The following CRACD variants were observed in gnomAD, a reference collection of about 807,000 sequenced individuals.
CRACD encodes the protein capping protein-inhibiting regulator of actin dynamics.
Under a neutral mutation model 106.8 loss-of-function variants are expected in CRACD, and 56 were observed. The ratio of observed to expected loss-of-function variants is 0.52; its 90% CI spans 0.42 to 0.66. The LOEUF is 0.66. Ranked by LOEUF, CRACD falls within the 30% of genes least tolerant of loss-of-function variation. CRACD has a pLI of 0.00. For synonymous variants in CRACD, 754 were observed against 670.8 expected (o/e 1.12, Z -1.92); for missense variants, 1,730 against 1,623.2 (o/e 1.07, Z -1.13).
chr4:56,262,173 G>A (rs753208808), intron 2 of CRACD, among the ~76,000 whole-genome samples: 11 of 152,160 alleles, frequency 7.2e-5, no homozygotes, highest in Admixed American at 2.6e-4. Flanking sequence ...CTTGGATGTC[G>A]GAGGGGTTGC....
rs765486522 is a variant in CRACD at position 56,315,285 on chromosome 4, G to A, written c.1783G>A (p.Ala595Thr). ...GTCGTCCCTGAGCGTTCCCCACACC[G>A]CCATTCTGGTCACGGGCGCGCAGCT... ...LPSSLSVPHT[A>T]ILVTGAQLCG... Residue 595 changes from alanine (A) to threonine (T), a missense_variant, in exon 8 of 11, where the codon GCC (alanine) becomes ACC (threonine). Ala to Thr is a moderately conservative substitution (Grantham distance 58). Coordinates refer to ENST00000682029, the MANE Select transcript of CRACD (RefSeq NM_001393381.1). This position sits in a 1 kb window ranked among gnomAD's most constrained non-coding sequence, Gnocchi z 4.1. 8 of 1,613,122 alleles carry A rather than the reference G, an allele frequency of 5.0e-6. No individual in the cohort carries two copies. The highest frequency in any genetic ancestry group is 1.7e-4 in the Middle Eastern group (1 of 6,060).
At chr4:56,163,248 A>G (rs1222397668) in intron 1 of CRACD, among the ~76,000 whole-genome samples, 1 of 152,152 alleles carries the variant, frequency 6.6e-6, no homozygotes, top group East Asian at 1.9e-4. Context: ...CAATGACTCA[A>G]TTTTAAAGCT....
intron 1 of CRACD, among the ~76,000 whole-genome samples, chr4:56,063,362 A>C (rs1732347261): frequency 6.6e-6 from 1 of 152,080 alleles, no homozygotes; most frequent in Non-Finnish European, 1.5e-5. Flanking sequence ...CCAGCCAAAA[A>C]AATTTTTTAT....
chr4:56,303,213 C>T (rs760731935), intron 4 of CRACD, among the ~76,000 whole-genome samples: 6 of 152,150 alleles, frequency 3.9e-5, no homozygotes, highest in Non-Finnish European at 8.8e-5. Context: ...GACGTGCAGG[C>T]ATGTGCCTGT....
chr4:56,171,869 T>G (rs1736381787), intron 1 of CRACD, among the ~76,000 whole-genome samples: 1 of 152,116 alleles, frequency 6.6e-6, no homozygotes, highest in South Asian at 2.1e-4. Context: ...TTTTCCACCT[T>G]TATAGCTCCA....
At chr4:56,237,252 A>G (rs1740032421) in intron 2 of CRACD, among the ~76,000 whole-genome samples, 1 of 152,216 alleles carries the variant, frequency 6.6e-6, no homozygotes, top group South Asian at 2.1e-4. Context: ...AACAAATTAT[A>G]GAATGAGTTA....
intron 1 of CRACD, among the ~76,000 whole-genome samples, chr4:56,172,754 G>T (rs1378139778): frequency 6.6e-6 from 1 of 152,202 alleles, no homozygotes; most frequent in Non-Finnish European, 1.5e-5. Context: ...CTCCTGAGCA[G>T]CTGGGACTAC....
At chr4:56,220,357 A>G (rs1181869018) in intron 2 of CRACD, among the ~76,000 whole-genome samples, 1 of 152,210 alleles carries the variant, frequency 6.6e-6, no homozygotes, top group Non-Finnish European at 1.5e-5. Flanking sequence ...CTCTCCCTAA[A>G]TAAGCTTGTG....
rs191946758 is a variant in CRACD, at chr4:56,202,306, C to T, written c.-189+22876C>T. ...TGTCACCCAGGCTGGAGTACAGTGG[C>T]GTGATCTTGGCTCACTGGCAACCAC... On this transcript the variant is annotated intron_variant, in intron 2 of 10. Coordinates refer to ENST00000682029, the MANE Select transcript of CRACD (RefSeq NM_001393381.1). 3.9e-5 allele frequency among the ~76,000 whole-genome samples: 6 copies of T among 152,208 alleles called. No homozygotes were observed. The East Asian group carries it at 9.6e-4, about 24-fold the overall frequency.
Position 56,301,189 on chromosome 4 carries a change from T to C in CRACD, c.120+2840T>C, listed in dbSNP as rs115080893. 1.1e-3 allele frequency: 1,425 copies of C among 1,278,116 alleles called. 8 individuals carry two copies. The African/African-American group carries it at 0.021, about 18-fold the overall frequency. 79.2% of individuals were successfully genotyped at this position (1,278,116 alleles called of 1,614,324 possible). Reference sequence around the variant, plus strand: ...TTTTTGGCGTGACTTGAGATATAACTGAATCATCCCCAAAAAGACTGTGCT... The same window carrying C: ...TTTTTGGCGTGACTTGAGATATAACCGAATCATCCCCAAAAAGACTGTGCT... On this transcript the variant is annotated intron_variant, in intron 4 of 10. Coordinates refer to ENST00000682029, the MANE Select transcript of CRACD (RefSeq NM_001393381.1).
intron 2 of CRACD, among the ~76,000 whole-genome samples, chr4:56,253,688 G>A (rs1337450688): frequency 6.6e-6 from 1 of 152,200 alleles, no homozygotes; most frequent in Non-Finnish European, 1.5e-5. Flanking sequence ...GCTGCATTTA[G>A]GTCATAGAAA....
intron 10 of CRACD, among the ~76,000 whole-genome samples, chr4:56,324,890 T>G: frequency 6.6e-6 from 1 of 152,160 alleles, no homozygotes; most frequent in Admixed American, 6.5e-5. Context: ...CAAAGTTAAG[T>G]TAAATGTTTG....
intron 1 of CRACD, among the ~76,000 whole-genome samples, chr4:56,066,663 C>T (rs1377088068): frequency 6.6e-6 from 1 of 152,184 alleles, no homozygotes; most frequent in Non-Finnish European, 1.5e-5. Flanking sequence ...GGTGGTGACA[C>T]TCCCTGGTAA....
At chr4:56,077,430 C>A (rs1577948267) in intron 1 of CRACD, among the ~76,000 whole-genome samples, 1 of 152,280 alleles carries the variant, frequency 6.6e-6, no homozygotes, top group South Asian at 2.1e-4. Context: ...CAAACCATAT[C>A]ATTATGTATA....
At chr4:56,116,626 G>A (rs1385755505) in intron 1 of CRACD, among the ~76,000 whole-genome samples, 1 of 152,152 alleles carries the variant, frequency 6.6e-6, no homozygotes, top group Non-Finnish European at 1.5e-5. Context: ...CTTATTGTAA[G>A]TAAACTTACG....
intron 1 of CRACD, among the ~76,000 whole-genome samples, chr4:56,107,932 G>C (rs1734002473): frequency 6.6e-6 from 1 of 152,148 alleles, no homozygotes. Flanking sequence ...TTAACAAAAG[G>C]AGCCATGCAC....
chr4:56,248,493 C>T (rs1014114444), intron 2 of CRACD, among the ~76,000 whole-genome samples: 1 of 146,312 alleles, frequency 6.8e-6, no homozygotes, highest in African/African-American at 2.6e-5. Context: ...AGGCTCAATG[C>T]ATTATTTTTT....
Position 56,328,036 on chromosome 4 carries a change from G to A in CRACD, c.*232G>A, listed in dbSNP as rs562697402. 1.0e-4 allele frequency: 45 copies of A among 439,516 alleles called. No homozygotes were observed. The East Asian group carries it at 1.0e-3, about 10-fold the overall frequency. 27.2% of individuals were successfully genotyped at this position (439,516 alleles called of 1,614,324 possible). On this transcript the variant is annotated 3_prime_UTR_variant, in exon 11 of 11. Transcript: ENST00000682029. Reference sequence around the variant, plus strand: ...CTCCTAGTTCTCAAGAGAAAATTCCGTCCACAGGACCACATGAAGCAAAAT... The same window carrying A: ...CTCCTAGTTCTCAAGAGAAAATTCCATCCACAGGACCACATGAAGCAAAAT...
rs567291344 is a variant in CRACD at position 56,162,687 on chromosome 4, T to G, written c.-335-16597T>G. 2.0e-5 allele frequency among the ~76,000 whole-genome samples: 3 copies of G among 152,378 alleles called. No individual in the cohort carries two copies. The South Asian group carries it at 6.2e-4, about 32-fold the overall frequency. Reference sequence around the variant, plus strand: ...TAGGACATAATTACTGAAGCCTGCCTTGTCCAAGGTTTTGTACTGTGCTTT... The same window carrying G: ...TAGGACATAATTACTGAAGCCTGCCGTGTCCAAGGTTTTGTACTGTGCTTT... On this transcript the variant is annotated intron_variant, in intron 1 of 10. Transcript: ENST00000682029.
Sources: allele counts gnomAD v4.1 joint callset (sites outside exome capture counted in the v4.1 genomes callset), GRCh38; gene constraint gnomAD v4.1.1; non-coding constraint Gnocchi (gnomAD v3.1); transcripts MANE v1.5; gene names NCBI Gene and HGNC (gene_info 2026-07-23, HGNC 2026-07-21).